Variants in FAM171A1 observed in about 807,000 individuals in gnomAD.
The protein encoded by FAM171A1 is family with sequence similarity 171 member A1, also known as protein FAM171A1.
FAM171A1 carries 23 observed loss-of-function variants against 74.9 expected under a neutral mutation model. The observed-to-expected ratio is 0.31, with a 90% CI of 0.22 to 0.44. FAM171A1 has a LOEUF of 0.44. FAM171A1 is among the 20% of genes least tolerant of loss of function. The pLI is 1.00. For synonymous variants in FAM171A1, 527 were observed against 505.7 expected (o/e 1.04, Z -0.57); for missense variants, 1,162 against 1,159.2 (o/e 1.00, Z -0.03).
intron 3 of FAM171A1, among the ~76,000 whole-genome samples, chr10:15,269,023 C>T (rs1023674474): frequency 7.1e-6 from 1 of 140,462 alleles, no homozygotes; most frequent in Non-Finnish European, 1.5e-5. Flanking sequence ...GCCTGGGCAA[C>T]AGAGACTCTG....
intron 1 of FAM171A1, among the ~76,000 whole-genome samples, chr10:15,327,486 C>CA (rs1216634849): frequency 3.3e-5 from 5 of 151,992 alleles, no homozygotes; most frequent in Admixed American, 6.6e-5. Context: ...CCCATCTCTA[C>CA]AAAAAAACAT....
intron 1 of FAM171A1, among the ~76,000 whole-genome samples, chr10:15,361,077 T>C (rs781180103): frequency 3.3e-5 from 5 of 152,202 alleles, no homozygotes; most frequent in Non-Finnish European, 7.3e-5. Flanking sequence ...ATAATCAATG[T>C]CGTCACCTAA....
At chr10:15,314,615 G>A (rs1047475656) in intron 1 of FAM171A1, among the ~76,000 whole-genome samples, 1 of 152,306 alleles carries the variant, frequency 6.6e-6, no homozygotes, top group African/African-American at 2.4e-5. Context: ...CTGTGTGACA[G>A]GAACAAATAA....
intron 3 of FAM171A1, among the ~76,000 whole-genome samples, chr10:15,271,765 T>C (rs1352830671): frequency 6.6e-6 from 1 of 152,176 alleles, no homozygotes; most frequent in Admixed American, 6.5e-5. Context: ...CAACCCAGAA[T>C]TTCATATCCA....
intron 1 of FAM171A1, among the ~76,000 whole-genome samples, chr10:15,301,705 G>A (rs1360343730): frequency 6.6e-6 from 1 of 152,188 alleles, no homozygotes; most frequent in African/African-American, 2.4e-5. Flanking sequence ...TGGGGTTCAG[G>A]GAACTGGAGC....
intron 1 of FAM171A1, among the ~76,000 whole-genome samples, chr10:15,346,901 G>T (rs920943484): frequency 6.6e-6 from 1 of 152,188 alleles, no homozygotes; most frequent in African/African-American, 2.4e-5. Flanking sequence ...CGCTTTAGCA[G>T]TGCCCGAGCC....
At chr10:15,256,398 G>C (rs1564624482) in intron 3 of FAM171A1, among the ~76,000 whole-genome samples, 1 of 152,158 alleles carries the variant, frequency 6.6e-6, no homozygotes, top group South Asian at 2.1e-4. Context: ...AACTGGCAGG[G>C]AGTCACAATG....
chr10:15,347,368 C>T (rs866326324), intron 1 of FAM171A1, among the ~76,000 whole-genome samples: 1 of 152,096 alleles, frequency 6.6e-6, no homozygotes, highest in Non-Finnish European at 1.5e-5. Flanking sequence ...TTCATTGGGT[C>T]GGAAATCGAT....
rs71505064 is a variant in FAM171A1 at position 15,288,813 on chromosome 10, CTTTTT to C, written c.98-4713_98-4709del. ...AAAATGTCAGTATGATTCGGTAATTCTTTTTTTTTTTTTTTTTTTTTTTTTTGAGA... is the reference window on the plus strand; with the variant it reads ...AAAATGTCAGTATGATTCGGTAATTCTTTTTTTTTTTTTTTTTTTTTGAGA... On this transcript the variant is annotated intron_variant, in intron 1 of 7. Transcript: ENST00000378116. Among the ~76,000 whole-genome samples the C allele has an allele frequency of 1.2e-4, 9 of 73,698 alleles. No homozygotes were observed. The East Asian group carries it at 1.9e-3, about 16-fold the overall frequency. 48.3% of individuals were successfully genotyped at this position (73,698 alleles called of 152,430 possible).
At chr10:15,247,525 T>C (rs1017501353) in intron 5 of FAM171A1, among the ~76,000 whole-genome samples, 2 of 152,202 alleles carry the variant, frequency 1.3e-5, no homozygotes. Flanking sequence ...CCCTGCCTCC[T>C]GGTATTCACT....
At chr10:15,245,031 T>C (rs1022082340) in intron 5 of FAM171A1, among the ~76,000 whole-genome samples, 4 of 152,140 alleles carry the variant, frequency 2.6e-5, no homozygotes, top group African/African-American at 9.7e-5. Flanking sequence ...AGAGATAAAC[T>C]GTTCAGCCAG....
rs867363866 is a variant in FAM171A1 at position 15,370,484 on chromosome 10, G to A, written c.97+472C>T. Among the ~76,000 whole-genome samples the A allele has an allele frequency of 2.0e-5, 3 of 151,732 alleles. No homozygotes were observed. In the East Asian group the frequency reaches 5.8e-4, roughly 30 times the overall value. ...CCCGGGGCGTCAGCCACCCCCTCCCGCCACAACAAAAGGCCCCAGCGCAGC... is the reference window on the plus strand; with the variant it reads ...CCCGGGGCGTCAGCCACCCCCTCCCACCACAACAAAAGGCCCCAGCGCAGC... On this transcript the variant is annotated intron_variant, in intron 1 of 7. Transcript: ENST00000378116.
chr10:15,227,220 C>T (rs1006239409), intron 5 of FAM171A1, among the ~76,000 whole-genome samples: 22 of 152,262 alleles, frequency 1.4e-4, no homozygotes, highest in Middle Eastern at 3.4e-3. Flanking sequence ...AGGCTGGTCT[C>T]GAACTCCTTA....
chr10:15,236,048 C>T (rs751502113), intron 5 of FAM171A1, among the ~76,000 whole-genome samples: 1 of 152,156 alleles, frequency 6.6e-6, no homozygotes, highest in Non-Finnish European at 1.5e-5. Context: ...CAGAGACTTA[C>T]GTTCCTGCTG....
chr10:15,341,699 G>A (rs1360784856), intron 1 of FAM171A1, among the ~76,000 whole-genome samples: 3 of 152,208 alleles, frequency 2.0e-5, no homozygotes, highest in Non-Finnish European at 4.4e-5. Context: ...AGTTATCAGA[G>A]AGTATGCAGA....
intron 5 of FAM171A1, among the ~76,000 whole-genome samples, chr10:15,242,429 T>C (rs1328259227): frequency 2.0e-5 from 3 of 152,244 alleles, no homozygotes; most frequent in African/African-American, 4.8e-5. Flanking sequence ...TTTTTCTGCA[T>C]ACATGCAATC....
At position 15,318,625 on chromosome 10, in the gene FAM171A1, T is replaced by C. The variant is rs1489079216; in HGVS notation, c.98-34520A>G. On this transcript the variant is annotated intron_variant, in intron 1 of 7. Coordinates refer to ENST00000378116, the MANE Select transcript of FAM171A1 (RefSeq NM_001010924.2). ...GTCAGTTGTTTTTAAGAGTTGGAGG[T>C]GTGTGTCATCTCATGCTTTCTCTGT... Among the ~76,000 whole-genome samples the C allele has an allele frequency of 2.0e-5, 3 of 152,164 alleles. 1 individual carries two copies. Among genetic ancestry groups the C allele is most frequent in the Non-Finnish European group, 4.4e-5 (3 of 68,034 alleles).
chr10:15,348,889 T>C (rs1835847231), intron 1 of FAM171A1, among the ~76,000 whole-genome samples: 1 of 152,204 alleles, frequency 6.6e-6, no homozygotes, highest in African/African-American at 2.4e-5. Context: ...TATCACACTT[T>C]CATTTTATTG....
chr10:15,317,895 A>G (rs1835441614), intron 1 of FAM171A1, among the ~76,000 whole-genome samples: 1 of 152,120 alleles, frequency 6.6e-6, no homozygotes, highest in South Asian at 2.1e-4. Flanking sequence ...GGCTCAACCA[A>G]TTCTCCTGCC....
Sources: allele counts gnomAD v4.1 joint callset (sites outside exome capture counted in the v4.1 genomes callset), GRCh38; gene constraint gnomAD v4.1.1; transcripts MANE v1.5; gene names NCBI Gene and HGNC (gene_info 2026-07-23, HGNC 2026-07-21).